The following TRMT9B variants were observed in gnomAD, a reference collection of about 807,000 sequenced individuals.
The protein encoded by TRMT9B is probable tRNA methyltransferase 9B.
A neutral mutation model predicts 11.5 loss-of-function variants in TRMT9B; 16 were observed. The ratio of observed to expected loss-of-function variants is 1.39; its 90% CI spans 0.94 to 2.11. The LOEUF (loss-of-function observed/expected upper bound fraction) is 2.11. TRMT9B is among the 30% of genes most tolerant of loss of function. The pLI, the probability that TRMT9B is intolerant of heterozygous loss-of-function variation, is 0.00. For missense variants in TRMT9B, 941 were observed against 553.8 expected, an observed-to-expected ratio of 1.70 and a Z score of -7.02; for synonymous variants, 274 against 192.4, an observed-to-expected ratio of 1.42 and a Z score of -3.51.
rs1807018780 is a variant in TRMT9B at position 12,989,862 on chromosome 8, G to T, written c.-199-972G>T. ...CACTTCTAAAAAGTTAGCTTCTGTG[G>T]CTCTCAATGGCACAGATCATGTGCC... is the stretch of plus-strand genomic sequence containing the variant. On this transcript the variant is annotated intron_variant, in intron 1 of 4. Coordinates refer to ENST00000524591, the MANE Select transcript of TRMT9B (RefSeq NM_020844.3). 2.0e-5 allele frequency among the ~76,000 whole-genome samples: 3 copies of T among 152,266 alleles called. No homozygotes were observed. The East Asian group carries it at 5.8e-4, about 29-fold the overall frequency.
intron 1 of TRMT9B, among the ~76,000 whole-genome samples, chr8:12,987,728 G>A (rs1304149204): frequency 6.6e-6 from 1 of 152,004 alleles, no homozygotes; most frequent in Non-Finnish European, 1.5e-5. Context: ...CTAACCTACA[G>A]AACATCATAG....
intron 1 of TRMT9B, among the ~76,000 whole-genome samples, chr8:12,987,885 G>C (rs1389076769): frequency 6.6e-6 from 1 of 152,086 alleles, no homozygotes; most frequent in East Asian, 1.9e-4. Flanking sequence ...GGCTCTCTGT[G>C]GCTTCCCAGC....
At position 13,012,726 on chromosome 8, in the gene TRMT9B, A is replaced by G. The variant is rs775754482; in HGVS notation, c.197A>G (p.His66Arg). The G allele has an allele frequency of 3.7e-6, 6 of 1,614,046 alleles. No individual in the cohort carries two copies. Among genetic ancestry groups the G allele is most frequent in the South Asian group, 2.2e-5 (2 of 91,086 alleles). The change falls in exon 4 of 5, where the codon CAT becomes CGT. Residue 66 changes from histidine to arginine, a missense_variant. By Grantham distance (29) the His-to-Arg change is conservative (BLOSUM62 0). Coordinates refer to ENST00000524591, the MANE Select transcript of TRMT9B (RefSeq NM_020844.3). ...TATCTTAAAGTGAACAGCCAGGTAC[A>G]TACCGTGGGCTGTGACTACTGTGGG... ...GKYLKVNSQV[H>R]TVGCDYCGPL...
intron 2 of TRMT9B, among the ~76,000 whole-genome samples, chr8:12,994,331 T>C (rs1333250365): frequency 6.6e-6 from 1 of 152,194 alleles, no homozygotes; most frequent in African/African-American, 2.4e-5. Context: ...CAAACTAATG[T>C]TTTGAAAAAA....
chr8:13,016,942 T>G (rs2460334), intron 4 of TRMT9B, among the ~76,000 whole-genome samples: 16,301 of 150,656 alleles, frequency 0.11, 1,570 homozygotes, highest in African/African-American at 0.26. Flanking sequence ...CTGGCCAATA[T>G]GGTGAAACCC....
chr8:12,989,309 G>T (rs888049283), intron 1 of TRMT9B, among the ~76,000 whole-genome samples: 1 of 152,164 alleles, frequency 6.6e-6, no homozygotes, highest in Non-Finnish European at 1.5e-5. Context: ...ACTCCTTTTA[G>T]ATATATACGA....
chr8:13,007,676 G>C (rs1439929700), intron 3 of TRMT9B: 1 of 152,124 alleles, frequency 6.6e-6, no homozygotes, highest in Non-Finnish European at 1.5e-5. Context: ...TGTGCAGTGA[G>C]TTTGGAGCTC....
intron 2 of TRMT9B, among the ~76,000 whole-genome samples, chr8:12,996,718 A>G (rs918278343): frequency 3.3e-5 from 5 of 152,202 alleles, no homozygotes; most frequent in South Asian, 2.1e-4. Flanking sequence ...TGAAATATAC[A>G]TGGACCAAAG....
chr8:12,967,311 A>G (rs996573578), intron 1 of TRMT9B, among the ~76,000 whole-genome samples: 1 of 152,228 alleles, frequency 6.6e-6, no homozygotes, highest in African/African-American at 2.4e-5. Context: ...ATTTCATAGG[A>G]CTAGACAGTG....
At chr8:13,002,272 T>C (rs1339185471) in intron 2 of TRMT9B, among the ~76,000 whole-genome samples, 1 of 152,200 alleles carries the variant, frequency 6.6e-6, no homozygotes, top group African/African-American at 2.4e-5. Flanking sequence ...CCACTTAACA[T>C]TTCCAAGTGC....
At chr8:12,964,426 T>C (rs984642058) in intron 1 of TRMT9B, among the ~76,000 whole-genome samples, 6 of 152,266 alleles carry the variant, frequency 3.9e-5, no homozygotes, top group Non-Finnish European at 8.8e-5. Context: ...TTGTCTTATT[T>C]ATTTTGTAAT....
At chr8:12,965,945 G>A (rs1377107618) in intron 1 of TRMT9B, among the ~76,000 whole-genome samples, 8 of 151,798 alleles carry the variant, frequency 5.3e-5, no homozygotes, top group Non-Finnish European at 1.2e-4. Context: ...CCTGGGAGGC[G>A]GAAGTAGTAG....
chr8:12,994,424 C>T (rs766671904), intron 2 of TRMT9B, among the ~76,000 whole-genome samples: 1 of 152,228 alleles, frequency 6.6e-6, no homozygotes, highest in African/African-American at 2.4e-5. Flanking sequence ...CTGCATGCCT[C>T]TAGCTGCATG....
In TRMT9B at chr8:12,990,831, T is replaced by C. The variant is rs1255737576; in HGVS notation, c.-199-3T>C. 2 of 1,288,250 alleles carry C rather than the reference T, an allele frequency of 1.6e-6. No individual in the cohort carries two copies. The highest frequency in any genetic ancestry group is 2.5e-5 in the South Asian group (2 of 80,732). The allele number at this position is 1,288,250 out of a possible 1,614,324, so 79.8% of individuals were successfully genotyped here. A position where few individuals can be genotyped will look rare whatever the true frequency, so the allele number is the denominator to read the frequency against. On this transcript the variant is annotated splice_region_variant and splice_polypyrimidine_tract_variant and intron_variant, in intron 1 of 4. Coordinates refer to ENST00000524591, the MANE Select transcript of TRMT9B (RefSeq NM_020844.3). ...CATTTAGTATTTGTTTTCTTCCTGA[T>C]AGGGCCTGTGCTTCCTTCAGAGACT...
intron 2 of TRMT9B, among the ~76,000 whole-genome samples, chr8:12,994,235 G>C (rs1299665575): frequency 1.3e-5 from 2 of 152,194 alleles, no homozygotes; most frequent in African/African-American, 4.8e-5. Flanking sequence ...ATGGTCTCAG[G>C]CTTGGGAACG....
chr8:12,955,320 G>C lies in TRMT9B; in HGVS notation c.-200+9354G>C, dbSNP rs1418580533. Among the ~76,000 whole-genome samples, 4 of 152,174 alleles carry C rather than the reference G, an allele frequency of 2.6e-5. No individual in the cohort carries two copies. In the South Asian group the frequency reaches 6.2e-4, roughly 24 times the overall value. On this transcript the variant is annotated intron_variant, in intron 1 of 4. Transcript: ENST00000524591. ...GAAGTAACCTGTGGTTGTTTTTAGA[G>C]ATGATGATGAGGTGGTAGGGGAAGG...
At chr8:12,999,421 CACAT>C (rs1253959959) in intron 2 of TRMT9B, among the ~76,000 whole-genome samples, 7 of 151,758 alleles carry the variant, frequency 4.6e-5, no homozygotes, top group East Asian at 1.9e-4. Flanking sequence ...GATGGTTTCA[CACAT>C]ACATACACGC....
chr8:12,978,148 C>T (rs1298602433), intron 1 of TRMT9B, among the ~76,000 whole-genome samples: 3 of 152,114 alleles, frequency 2.0e-5, no homozygotes, highest in South Asian at 4.1e-4. Context: ...CTTCATGGCC[C>T]AGGAATATAG....
In TRMT9B at chr8:12,987,715, C is replaced by A. The variant is rs139001616; in HGVS notation, c.-199-3119C>A. Among the ~76,000 whole-genome samples the A allele has an allele frequency of 2.1e-4, 32 of 152,038 alleles. No homozygotes were observed. The East Asian group carries it at 2.3e-3, about 11-fold the overall frequency. ...CTCAAAAAAAAAAATGCATTTAATA[C>A]AACTAACCTACAGAACATCATAGCT... On this transcript the variant is annotated intron_variant, in intron 1 of 4. Coordinates refer to ENST00000524591, the MANE Select transcript of TRMT9B (RefSeq NM_020844.3).
Sources: gnomAD v4.1 joint callset for allele counts (sites outside exome capture counted in the v4.1 genomes callset) on GRCh38, gnomAD v4.1.1 for gene constraint, MANE v1.5 for transcripts, NCBI Gene and HGNC (gene_info 2026-07-23, HGNC 2026-07-21) for gene names.